Variants in ARHGAP24 observed in about 807,000 individuals in gnomAD.
ARHGAP24 encodes the protein rho GTPase-activating protein 24.
Under a neutral mutation model 76.4 loss-of-function variants are expected in ARHGAP24, and 50 were observed. The observed-to-expected ratio is 0.65, with a 90% CI of 0.52 to 0.83. The LOEUF is 0.83. Among genes scored for constraint, ARHGAP24 ranks in the 40% least tolerant of loss-of-function variants. The pLI, the probability that ARHGAP24 is intolerant of heterozygous loss-of-function variation, is 0.00. For missense variants in ARHGAP24, 930 were observed against 914.2 expected, an observed-to-expected ratio of 1.02 and a Z score of -0.22; for synonymous variants, 345 against 323.3, an observed-to-expected ratio of 1.07 and a Z score of -0.72.
intron 3 of ARHGAP24, among the ~76,000 whole-genome samples, chr4:85,886,145 C>A (rs954245341): frequency 6.6e-6 from 1 of 151,984 alleles, no homozygotes. Flanking sequence ...TATCTGAGGG[C>A]CCAAGATAAT....
intron 1 of ARHGAP24, among the ~76,000 whole-genome samples, chr4:85,480,035 A>G (rs1035918360): frequency 6.6e-6 from 1 of 152,166 alleles, no homozygotes; most frequent in African/African-American, 2.4e-5. Flanking sequence ...TAAACTCTCT[A>G]TCTATATCAA....
At chr4:85,829,883 C>G (rs1386939901) in intron 3 of ARHGAP24, among the ~76,000 whole-genome samples, 2 of 152,168 alleles carry the variant, frequency 1.3e-5, no homozygotes, top group Admixed American at 6.5e-5. Context: ...TCAGTGTATA[C>G]AGCCAAGAAA....
intron 4 of ARHGAP24, among the ~76,000 whole-genome samples, chr4:85,939,960 C>G (rs1578411653): frequency 6.6e-6 from 1 of 151,518 alleles, no homozygotes; most frequent in East Asian, 1.9e-4. Context: ...ATATTATTTT[C>G]TTAAATGATC....
At chr4:85,666,657 G>C (rs1030595586) in intron 2 of ARHGAP24, among the ~76,000 whole-genome samples, 1 of 152,154 alleles carries the variant, frequency 6.6e-6, no homozygotes, top group African/African-American at 2.4e-5. Flanking sequence ...TGATGGTGAT[G>C]TACAGATGGG....
At position 85,721,960 on chromosome 4, in the gene ARHGAP24, G is replaced by A. The variant is rs1434242289; in HGVS notation, c.256G>A (p.Glu86Lys). ...NEENPGKFLFEVVPGGDRDRM... is the reference protein window; with the variant it reads ...NEENPGKFLFKVVPGGDRDRM... ...AGAGAACCCAGGGAAGTTCCTTTTT[G>A]AAGTAGTTCCAGGTAAGATATTTTC... The change falls in exon 3 of 10, where the codon GAA becomes AAA. Residue 86 changes from glutamate (E) to lysine (K), a missense_variant. Glu to Lys is a moderately conservative substitution (Grantham distance 56). Coordinates refer to ENST00000395184, the MANE Select transcript of ARHGAP24 (RefSeq NM_001025616.3). The A allele has an allele frequency of 1.3e-5, 21 of 1,613,012 alleles. No homozygotes were observed. The highest frequency in any genetic ancestry group is 1.7e-5 in the Non-Finnish European group (20 of 1,179,390).
intron 3 of ARHGAP24, among the ~76,000 whole-genome samples, chr4:85,728,532 A>G (rs1033098917): frequency 1.3e-5 from 2 of 152,122 alleles, no homozygotes; most frequent in African/African-American, 4.8e-5. Context: ...TCTCTGATTC[A>G]GTTGTTCTTT....
intron 1 of ARHGAP24, among the ~76,000 whole-genome samples, chr4:85,525,223 T>G (rs1724933743): frequency 6.6e-6 from 1 of 151,584 alleles, no homozygotes; most frequent in African/African-American, 2.4e-5. Context: ...TTTTTGCTAA[T>G]AGTTTCATAT....
At chr4:85,572,481 C>T (rs890012730) in intron 2 of ARHGAP24, among the ~76,000 whole-genome samples, 3 of 152,058 alleles carry the variant, frequency 2.0e-5, no homozygotes, top group Non-Finnish European at 2.9e-5. Context: ...AGTCTTGGAT[C>T]CACTGTATCT....
chr4:85,590,188 GCCTGCCTTCCTTCCTTCCTTCCTT>G (rs1444201155), intron 2 of ARHGAP24, among the ~76,000 whole-genome samples: 54 of 112,394 alleles, frequency 4.8e-4, no homozygotes, highest in African/African-American at 8.8e-4. Flanking sequence ...CTGCCTGCCT[GCCTGCCTTCCTTCCTTCCTTCCTT>G]CCTTCCTTCC....
Position 85,522,535 on chromosome 4 carries a change from A to G in ARHGAP24, c.-21+46976A>G, listed in dbSNP as rs1481408780. On this transcript the variant is annotated intron_variant, in intron 1 of 9. Transcript: ENST00000395184. ...TTGTTATTGCTAATTTTACTTTCCA[A>G]CCATCACCATTTGTGAGCATTCTTA... 2.0e-5 allele frequency among the ~76,000 whole-genome samples: 3 copies of G among 152,166 alleles called. 1 individual carries two copies. The highest frequency in any genetic ancestry group is 4.4e-5 in the Non-Finnish European group (3 of 68,032).
intron 1 of ARHGAP24, among the ~76,000 whole-genome samples, chr4:85,536,424 G>A (rs968909528): frequency 6.6e-6 from 1 of 152,018 alleles, no homozygotes; most frequent in Non-Finnish European, 1.5e-5. Context: ...ATGACTATTG[G>A]AATAGTGAGT....
intron 2 of ARHGAP24, among the ~76,000 whole-genome samples, chr4:85,625,160 T>A (rs1185419909): frequency 6.6e-6 from 1 of 152,208 alleles, no homozygotes; most frequent in Non-Finnish European, 1.5e-5. Context: ...TTAATTGTGA[T>A]GTTAGGGTGT....
At chr4:85,504,553 T>G (rs1018345965) in intron 1 of ARHGAP24, among the ~76,000 whole-genome samples, 3 of 152,200 alleles carry the variant, frequency 2.0e-5, no homozygotes, top group Non-Finnish European at 2.9e-5. Flanking sequence ...CCTGCCTTTT[T>G]TTGTTTTCCA....
At chr4:85,753,131 G>GA (rs1560616147) in intron 3 of ARHGAP24, among the ~76,000 whole-genome samples, 1 of 152,252 alleles carries the variant, frequency 6.6e-6, no homozygotes, top group East Asian at 1.9e-4. Context: ...TGGTGTAAAA[G>GA]AAAAGAAAGA....
intron 2 of ARHGAP24, among the ~76,000 whole-genome samples, chr4:85,659,302 A>C (rs1302632356): frequency 6.6e-6 from 1 of 152,212 alleles, no homozygotes; most frequent in Non-Finnish European, 1.5e-5. Context: ...AGTTTGCAAA[A>C]AGGAAACCAG....
chr4:85,871,798 G>A (rs1732539618), intron 3 of ARHGAP24, among the ~76,000 whole-genome samples: 1 of 152,106 alleles, frequency 6.6e-6, no homozygotes, highest in Non-Finnish European at 1.5e-5. Context: ...CAGGGACAAA[G>A]CAGTGATGGC....
At chr4:85,527,198 A>G (rs1006464333) in intron 1 of ARHGAP24, among the ~76,000 whole-genome samples, 5 of 152,196 alleles carry the variant, frequency 3.3e-5, no homozygotes, top group African/African-American at 7.2e-5. Flanking sequence ...GCTGTATCTC[A>G]TTAATAATGC....
chr4:85,880,653 G>C (rs1045226693), intron 3 of ARHGAP24, among the ~76,000 whole-genome samples: 1 of 152,012 alleles, frequency 6.6e-6, no homozygotes, highest in Non-Finnish European at 1.5e-5. Flanking sequence ...CTCAGCCTCC[G>C]GAGTAGCTGG....
At chr4:85,682,793 ACT>A (rs1247223713) in intron 2 of ARHGAP24, among the ~76,000 whole-genome samples, 2 of 152,034 alleles carry the variant, frequency 1.3e-5, no homozygotes, top group Non-Finnish European at 2.9e-5. Flanking sequence ...AGAGTATTGG[ACT>A]CTCTGTAAAG....
Sources: allele counts gnomAD v4.1 joint callset (sites outside exome capture counted in the v4.1 genomes callset), GRCh38; gene constraint gnomAD v4.1.1; transcripts MANE v1.5; gene names NCBI Gene and HGNC (gene_info 2026-07-23, HGNC 2026-07-21).